Variants in EYS observed in about 807,000 individuals in gnomAD.
EYS encodes protein eyes shut homolog.
In EYS, 250 loss-of-function variants were observed where a neutral mutation model predicts 282.1. That is an observed-to-expected ratio of 0.89 (90% confidence interval 0.80 to 0.98). The LOEUF (loss-of-function observed/expected upper bound fraction) is 0.98. EYS is among the 50% of genes least tolerant of loss of function. The pLI, the probability that EYS is intolerant of heterozygous loss-of-function variation, is 0.00. For synonymous variants in EYS, 1,355 were observed against 1,282.9 expected (o/e 1.06, Z -1.20); for missense variants, 4,016 against 3,709.0 (o/e 1.08, Z -2.15).
At chr6:64,115,644 C>A (rs1773355851) in intron 31 of EYS, among the ~76,000 whole-genome samples, 1 of 152,182 alleles carries the variant, frequency 6.6e-6, no homozygotes, top group African/African-American at 2.4e-5. Flanking sequence ...GCCAGAACCA[C>A]CTGACCCTAC....
At chr6:64,176,286 T>C (rs1459450378) in intron 31 of EYS, among the ~76,000 whole-genome samples, 1 of 152,094 alleles carries the variant, frequency 6.6e-6, no homozygotes, top group Non-Finnish European at 1.5e-5. Flanking sequence ...AAAAGCATTA[T>C]ACAAATTATA....
chr6:64,660,008 T>C (rs1768932909), intron 22 of EYS, among the ~76,000 whole-genome samples: 1 of 152,112 alleles, frequency 6.6e-6, no homozygotes, highest in African/African-American at 2.4e-5. Flanking sequence ...GCAAACTGAA[T>C]CCAGCAGCAC....
At chr6:64,150,477 T>C (rs1210846067) in intron 31 of EYS, among the ~76,000 whole-genome samples, 1 of 152,212 alleles carries the variant, frequency 6.6e-6, no homozygotes, top group Non-Finnish European at 1.5e-5. Flanking sequence ...AAGTTTTTTT[T>C]CCAATGATGT....
At chr6:63,964,307 T>G (rs1289335107) in intron 35 of EYS, among the ~76,000 whole-genome samples, 1 of 152,228 alleles carries the variant, frequency 6.6e-6, no homozygotes, top group African/African-American at 2.4e-5. Context: ...AGTTCAGATC[T>G]TAAAGCCTAC....
chr6:64,364,799 A>G (rs1772133761), intron 29 of EYS, among the ~76,000 whole-genome samples: 3 of 151,936 alleles, frequency 2.0e-5, no homozygotes, highest in Non-Finnish European at 4.4e-5. Context: ...CCTATTGTGT[A>G]CAATGTACAC....
At chr6:65,669,957 A>G (rs975673656) in intron 1 of EYS, among the ~76,000 whole-genome samples, 1 of 151,884 alleles carries the variant, frequency 6.6e-6, no homozygotes, top group South Asian at 2.1e-4. Context: ...GCATATAGTT[A>G]GTCCTAATAA....
intron 35 of EYS, among the ~76,000 whole-genome samples, chr6:63,925,966 C>T (rs1165921515): frequency 2.0e-5 from 3 of 152,096 alleles, no homozygotes; most frequent in Non-Finnish European, 4.4e-5. Flanking sequence ...TTTTAAGCAC[C>T]GCATGCATTA....
intron 22 of EYS, among the ~76,000 whole-genome samples, chr6:64,692,330 T>C (rs1162649613): frequency 6.6e-6 from 1 of 152,072 alleles, no homozygotes. Flanking sequence ...CCTTTGCCCA[T>C]TTTTTAACGG....
At chr6:64,320,849 C>T (rs1239641148) in intron 29 of EYS, among the ~76,000 whole-genome samples, 1 of 151,730 alleles carries the variant, frequency 6.6e-6, no homozygotes, top group African/African-American at 2.4e-5. Flanking sequence ...GTAGCAATTA[C>T]TCATTCATGG....
intron 28 of EYS, among the ~76,000 whole-genome samples, chr6:64,421,866 T>A (rs1267262424): frequency 7.0e-6 from 1 of 143,020 alleles, no homozygotes; most frequent in Non-Finnish European, 1.5e-5. Context: ...GGGGGGTGTG[T>A]GTGTGTGTGT....
chr6:65,200,893 T>C (rs1765883472), intron 12 of EYS, among the ~76,000 whole-genome samples: 1 of 151,952 alleles, frequency 6.6e-6, no homozygotes, highest in Non-Finnish European at 1.5e-5. Context: ...GAAGAAAAAC[T>C]GTAATTCATT....
intron 32 of EYS, among the ~76,000 whole-genome samples, chr6:64,071,059 C>T (rs1394237594): frequency 2.0e-5 from 3 of 151,914 alleles, no homozygotes; most frequent in Admixed American, 6.6e-5. Flanking sequence ...AGACTTATTG[C>T]TCAACATTAA....
At chr6:65,398,976 C>A (rs1766390277) in intron 7 of EYS, among the ~76,000 whole-genome samples, 1 of 152,078 alleles carries the variant, frequency 6.6e-6, no homozygotes, top group South Asian at 2.1e-4. Flanking sequence ...AATCCTTCAG[C>A]AAAAGATTGA....
At chr6:65,666,073 T>C (rs1170685881) in intron 1 of EYS, among the ~76,000 whole-genome samples, 2 of 151,274 alleles carry the variant, frequency 1.3e-5, no homozygotes, top group Non-Finnish European at 3.0e-5. Flanking sequence ...TTCAAATCTT[T>C]TTTTTTTTTT....
At chr6:65,436,321 AT>A (rs1306510439) in intron 5 of EYS, among the ~76,000 whole-genome samples, 1 of 152,090 alleles carries the variant, frequency 6.6e-6, no homozygotes, top group Non-Finnish European at 1.5e-5. Context: ...AACAGACATT[AT>A]TTTTTTCATC....
intron 22 of EYS, among the ~76,000 whole-genome samples, chr6:64,692,508 A>G (rs1248720057): frequency 1.3e-5 from 2 of 152,086 alleles, no homozygotes; most frequent in Non-Finnish European, 2.9e-5. Flanking sequence ...TTTCATTGCA[A>G]TTGCTTTTGG....
At chr6:64,948,221 A>G (rs898026345) in intron 14 of EYS, among the ~76,000 whole-genome samples, 5 of 151,374 alleles carry the variant, frequency 3.3e-5, no homozygotes, top group African/African-American at 9.7e-5. Context: ...TAAATGATGA[A>G]GAGAACAAAA....
intron 40 of EYS, among the ~76,000 whole-genome samples, chr6:63,773,452 C>T (rs891012603): frequency 1.3e-5 from 2 of 152,182 alleles, no homozygotes; most frequent in East Asian, 1.9e-4. Flanking sequence ...TAAGGAGAGG[C>T]GGTTTCTTGG....
At chr6:64,368,616 A>G (rs530230636) in intron 29 of EYS, among the ~76,000 whole-genome samples, 1 of 152,054 alleles carries the variant, frequency 6.6e-6, no homozygotes, top group Non-Finnish European at 1.5e-5. Flanking sequence ...ATGGTGTGAG[A>G]CTGCATCTCA....
Sources: gnomAD v4.1 joint callset for allele counts (sites outside exome capture counted in the v4.1 genomes callset) on GRCh38, gnomAD v4.1.1 for gene constraint, MANE v1.5 for transcripts, NCBI Gene and HGNC (gene_info 2026-07-23, HGNC 2026-07-21) for gene names.